The following RAD51B variants were observed in gnomAD, a reference collection of about 807,000 sequenced individuals.
The protein encoded by RAD51B is DNA repair protein RAD51 homolog 2.
RAD51B carries 38 observed loss-of-function variants against 42.2 expected under a neutral mutation model. The observed-to-expected ratio is 0.90, with a 90% CI of 0.70 to 1.18. RAD51B has a LOEUF of 1.18. RAD51B is among the 50% of genes most tolerant of loss of function. The pLI, the probability that RAD51B is intolerant of heterozygous loss-of-function variation, is 0.00. For synonymous variants in RAD51B, 154 were observed against 145.2 expected (o/e 1.06, Z -0.43); for missense variants, 373 against 400.7 (o/e 0.93, Z 0.59).
intron 9 of RAD51B, among the ~76,000 whole-genome samples, chr14:68,451,545 G>C (rs1164993286): frequency 6.6e-6 from 1 of 152,168 alleles, no homozygotes; most frequent in Non-Finnish European, 1.5e-5. Flanking sequence ...AGACAGGAAG[G>C]GTGCCCTGTT....
intron 8 of RAD51B, among the ~76,000 whole-genome samples, chr14:68,397,332 ACT>A (rs910458288): frequency 6.6e-6 from 1 of 152,242 alleles, no homozygotes; most frequent in Non-Finnish European, 1.5e-5. Flanking sequence ...CTGACTGGCT[ACT>A]GACACCAAAA....
At chr14:68,401,562 C>A (rs1017789302) in intron 8 of RAD51B, among the ~76,000 whole-genome samples, 8 of 152,146 alleles carry the variant, frequency 5.3e-5, no homozygotes, top group Non-Finnish European at 1.2e-4. Context: ...AACGAGTTTG[C>A]TGAGACTTGC....
intron 10 of RAD51B, among the ~76,000 whole-genome samples, chr14:68,518,063 A>C (rs1003592190): frequency 6.6e-6 from 1 of 152,190 alleles, no homozygotes; most frequent in Non-Finnish European, 1.5e-5. Context: ...TCACGTTGGC[A>C]GTACCTGCAG....
chr14:68,395,082 T>G (rs1378828491), intron 8 of RAD51B, among the ~76,000 whole-genome samples: 1 of 152,210 alleles, frequency 6.6e-6, no homozygotes, highest in Non-Finnish European at 1.5e-5. Flanking sequence ...GAGGGCCACA[T>G]TCTCCACGGC....
At chr14:67,948,941 A>AAAC (rs1283962298) in intron 7 of RAD51B, among the ~76,000 whole-genome samples, 3 of 149,586 alleles carry the variant, frequency 2.0e-5, no homozygotes, top group African/African-American at 7.4e-5. Flanking sequence ...CAAAAAAAAA[A>AAAC]AAAAAAAAAA....
chr14:68,132,258 CAA>C (rs1489339480), intron 7 of RAD51B, among the ~76,000 whole-genome samples: 2 of 152,096 alleles, frequency 1.3e-5, no homozygotes, highest in African/African-American at 4.8e-5. Flanking sequence ...TAATTTTCCT[CAA>C]AGATTTGGGG....
At chr14:68,642,289 T>C (rs1210429608) in intron 10 of RAD51B, among the ~76,000 whole-genome samples, 3 of 152,256 alleles carry the variant, frequency 2.0e-5, no homozygotes, top group African/African-American at 7.2e-5. Flanking sequence ...TTAATAGATA[T>C]AGACCTATTC....
intron 7 of RAD51B, among the ~76,000 whole-genome samples, chr14:68,004,353 A>T (rs60415085): frequency 0.24 from 34,962 of 146,618 alleles, 5,548 homozygotes; most frequent in African/African-American, 0.44. Flanking sequence ...AAAAAAAAAA[A>T]AAGAATATAT....
At chr14:68,087,826 T>A (rs927489171) in intron 7 of RAD51B, among the ~76,000 whole-genome samples, 17 of 118,868 alleles carry the variant, frequency 1.4e-4, no homozygotes, top group African/African-American at 5.4e-4. Flanking sequence ...ATAATATTTT[T>A]AAATATTTAA....
intron 10 of RAD51B, among the ~76,000 whole-genome samples, chr14:68,639,219 C>G (rs144252201): frequency 2.6e-5 from 4 of 152,206 alleles, no homozygotes; most frequent in African/African-American, 9.7e-5. Flanking sequence ...AGATTTGTTT[C>G]TTGCTCACAT....
At chr14:68,332,445 G>A (rs920823709) in intron 8 of RAD51B, among the ~76,000 whole-genome samples, 7 of 152,142 alleles carry the variant, frequency 4.6e-5, no homozygotes, top group African/African-American at 1.7e-4. Flanking sequence ...TTCAAGAAAA[G>A]CCAAGGAGAA....
chr14:68,306,060 TC>T (rs2081854732), intron 8 of RAD51B, among the ~76,000 whole-genome samples: 1 of 152,186 alleles, frequency 6.6e-6, no homozygotes. Context: ...CATCCGTCCC[TC>T]CCCTCTGGGC....
At chr14:67,830,035 C>A (rs948072081) in intron 3 of RAD51B, among the ~76,000 whole-genome samples, 1 of 151,936 alleles carries the variant, frequency 6.6e-6, no homozygotes. Context: ...AGTTATTGGG[C>A]GTTGGGTATA....
intron 7 of RAD51B, among the ~76,000 whole-genome samples, chr14:68,250,578 A>G (rs1490009846): frequency 6.6e-6 from 1 of 152,208 alleles, no homozygotes; most frequent in East Asian, 1.9e-4. Flanking sequence ...TAGTGCTATT[A>G]TTGTTTTAAG....
chr14:68,480,999 G>A (rs571440441), downstream of RAD51B, among the ~76,000 whole-genome samples: 1 of 152,216 alleles, frequency 6.6e-6, no homozygotes, highest in East Asian at 1.9e-4. Flanking sequence ...GATTTGGGAG[G>A]GCTGCACTCT....
At chr14:67,898,605 T>C (rs1566947970) in intron 7 of RAD51B, among the ~76,000 whole-genome samples, 1 of 152,218 alleles carries the variant, frequency 6.6e-6, no homozygotes, top group Admixed American at 6.5e-5. Context: ...AGAGCACAGG[T>C]GGAAACTTTT....
intron 7 of RAD51B, among the ~76,000 whole-genome samples, chr14:67,985,009 G>A (rs2075158895): frequency 6.6e-6 from 1 of 152,154 alleles, no homozygotes; most frequent in Non-Finnish European, 1.5e-5. Flanking sequence ...TAATTGTCAG[G>A]TCTGTTTCCG....
chr14:68,629,515 G>A (rs767897791), intron 10 of RAD51B, among the ~76,000 whole-genome samples: 1 of 152,186 alleles, frequency 6.6e-6, no homozygotes, highest in East Asian at 1.9e-4. Flanking sequence ...TAAAAAGGAG[G>A]TGTTCATACC....
Position 67,952,354 on chromosome 14 carries a change from G to C in RAD51B, c.756+65150G>C, listed in dbSNP as rs147545152. Among the ~76,000 whole-genome samples, 31 of 152,288 alleles carry C rather than the reference G, an allele frequency of 2.0e-4. No homozygotes were observed. In the East Asian group the frequency reaches 5.4e-3, roughly 27 times the overall value. On this transcript the variant is annotated intron_variant, in intron 7 of 10. Coordinates refer to ENST00000471583, the MANE Select transcript of RAD51B (RefSeq NM_133510.4). ...GCAGTAATAAAATCTATGTGTGGAA[G>C]AGTAAATGAAGCGTTTCTGCAATAT...
Sources: gnomAD v4.1 joint callset for allele counts (sites outside exome capture counted in the v4.1 genomes callset) on GRCh38, gnomAD v4.1.1 for gene constraint, MANE v1.5 for transcripts, NCBI Gene and HGNC (gene_info 2026-07-23, HGNC 2026-07-21) for gene names.